SLC17A3: variants seen among roughly 807,000 people sequenced by gnomAD.
The protein encoded by SLC17A3 is solute carrier family 17 member 3, also known as sodium-dependent phosphate transport protein 4.
Under a neutral mutation model 60.3 loss-of-function variants are expected in SLC17A3, and 61 were observed. That is an observed-to-expected ratio of 1.01 (90% CI 0.82 to 1.25). The LOEUF (loss-of-function observed/expected upper bound fraction) is 1.25. SLC17A3 is among the 50% of genes most tolerant of loss of function. The probability of loss-of-function intolerance (pLI) is 0.00; values close to 1 mark genes in which losing one functional copy is unlikely to be tolerated. For synonymous variants in SLC17A3, 192 were observed against 208.9 expected (o/e 0.92, Z 0.70); for missense variants, 624 against 594.9 (o/e 1.05, Z -0.51).
At chr6:25,854,968 A>G (rs1012955537) in intron 6 of SLC17A3, among the ~76,000 whole-genome samples, 176 bp downstream of exon 6, 2 of 152,214 alleles carry the variant, frequency 1.3e-5, no homozygotes, top group African/African-American at 4.8e-5. Context: ...AATAGGCAGG[A>G]GAACTTCCAA....
chr6:25,871,753 T>G lies in SLC17A3; in HGVS notation c.-34+2414A>C, dbSNP rs117014321. On this transcript the variant is annotated intron_variant, in intron 1 of 12. Coordinates refer to ENST00000397060, the MANE Select transcript of SLC17A3 (RefSeq NM_001098486.2). Reference sequence around the variant, plus strand: ...AGATGAGGGCTACGTGGCATCTGACTGTTGTCTCAATCCAAGAAATTCAAT... The same window carrying G: ...AGATGAGGGCTACGTGGCATCTGACGGTTGTCTCAATCCAAGAAATTCAAT... 8.9e-3 allele frequency among the ~76,000 whole-genome samples: 1,349 copies of G among 152,216 alleles called. 28 individuals carry two copies. Among genetic ancestry groups the G allele is most frequent in the East Asian group, 0.072 (371 of 5,166 alleles).
chr6:25,848,781 A>G (rs1561853076), intron 11 of SLC17A3, among the ~76,000 whole-genome samples: 1 of 152,232 alleles, frequency 6.6e-6, no homozygotes, highest in African/African-American at 2.4e-5. Context: ...TTGCACAGCA[A>G]AAGAAACAGC....
chr6:25,848,286 C>T (rs1330287080), intron 11 of SLC17A3, among the ~76,000 whole-genome samples: 2 of 152,150 alleles, frequency 1.3e-5, no homozygotes, highest in Non-Finnish European at 2.9e-5. Context: ...CTGGATCAAA[C>T]AGTAGTTCTA....
In SLC17A3 at chr6:25,868,399, T is replaced by G; in HGVS notation, c.-12A>C. The G allele has an allele frequency of 6.2e-7, 1 of 1,607,482 alleles. No homozygotes were observed. Among genetic ancestry groups the G allele is most frequent in the Non-Finnish European group, 8.5e-7 (1 of 1,174,708 alleles). ...GTCTTGGTGGCCATTGTGTTTCTCC[T>G]CTCCTAGTGAATGGTTTTCACCTAT... is the stretch of plus-strand genomic sequence containing the variant. On this transcript the variant is annotated 5_prime_UTR_variant, in exon 2 of 13. Transcript: ENST00000397060.
rs559727782 is a variant in SLC17A3 at position 25,853,447 on chromosome 6, G to A, written c.712+1697C>T. On this transcript the variant is annotated intron_variant, in intron 6 of 12. Transcript: ENST00000397060. ...TTTTTTTTTTTGGAGACAGAGTCTC[G>A]CTCTGTGGCCCAGGTTGGAGTGCAG... 5.5e-4 allele frequency among the ~76,000 whole-genome samples: 61 copies of A among 110,038 alleles called. 2 individuals carry two copies. In the South Asian group the frequency reaches 0.017, roughly 31 times the overall value. The allele number at this position is 110,038 out of a possible 152,430, so 72.2% of individuals were successfully genotyped here.
intron 2 of SLC17A3, among the ~76,000 whole-genome samples, chr6:25,865,888 A>T (rs1425021081): frequency 6.6e-6 from 1 of 151,996 alleles, no homozygotes; most frequent in Non-Finnish European, 1.5e-5. Context: ...AGGGTATTCT[A>T]TTTAACTACT....
intron 2 of SLC17A3, among the ~76,000 whole-genome samples, chr6:25,862,868 TTGTA>T (rs1287152201): frequency 2.0e-5 from 3 of 151,520 alleles, no homozygotes; most frequent in Admixed American, 6.6e-5. Flanking sequence ...TACATATACT[TTGTA>T]TGTATAACTA....
chr6:25,850,935 C>A, intron 6 of SLC17A3, 58 bp from the exon 7 acceptor site: 1 of 1,211,076 alleles, frequency 8.3e-7, no homozygotes, highest in East Asian at 2.3e-5. Flanking sequence ...GGGTGAACTT[C>A]TTTTATGTTG....
Position 25,868,418 on chromosome 6 carries a change from C to T in SLC17A3, c.-31G>A. 1 of 1,555,406 alleles carries T rather than the reference C, an allele frequency of 6.4e-7. No homozygotes were observed. Among genetic ancestry groups the T allele is most frequent in the African/African-American group, 1.4e-5 (1 of 73,702 alleles). On this transcript the variant is annotated splice_region_variant and 5_prime_UTR_variant, in exon 2 of 13. Coordinates refer to ENST00000397060, the MANE Select transcript of SLC17A3 (RefSeq NM_001098486.2). The stretch of plus-strand genomic sequence containing the variant: ...TTCTCCTCTCCTAGTGAATGGTTTT[C>T]ACCTATCAGGGAGATATGTAATTCA...
At position 25,862,014 on chromosome 6, in the gene SLC17A3, A is replaced by G. The variant is rs1765456979; in HGVS notation, c.319T>C (p.Trp107Arg). Reference protein sequence around the residue: ...SLPAKAPVYDWSPQIQGIIFG... With the variant: ...SLPAKAPVYDRSPQIQGIIFG... Reference sequence around the variant, plus strand: ...ATGATGCCTTGGATTTGAGGAGACCAGTCATACACAGGAGCCTTAGAGAAA... The same window carrying G: ...ATGATGCCTTGGATTTGAGGAGACCGGTCATACACAGGAGCCTTAGAGAAA... Residue 107 changes from tryptophan (W) to arginine (R), a missense_variant, in exon 4 of 13, where the codon TGG (tryptophan) becomes CGG (arginine). Physicochemically the swap from Trp to Arg is moderately radical, Grantham distance 101. Transcript: ENST00000397060. The G allele has an allele frequency of 2.5e-6, 4 of 1,605,840 alleles. No individual in the cohort carries two copies. Among genetic ancestry groups the G allele is most frequent in the Non-Finnish European group, 3.4e-6 (4 of 1,175,928 alleles).
In SLC17A3 at chr6:25,862,407, G is replaced by A. The variant is rs1309222816; in HGVS notation, c.129C>T (p.Leu43=). 1.9e-6 allele frequency: 3 copies of A among 1,613,418 alleles called. No homozygotes were observed. Among genetic ancestry groups the A allele is most frequent in the African/African-American group, 1.3e-5 (1 of 74,846 alleles). The change falls in exon 3 of 13, where the codon CTC becomes CTT. Residue 43 remains leucine, a synonymous_variant. Coordinates refer to ENST00000397060, the MANE Select transcript of SLC17A3 (RefSeq NM_001098486.2). ...SLCSARYGIA[L]VLHFCNFTTI... is the part of the protein sequence containing the mutation. ...TTGTGAAATTGCAGAAATGTAAGAC[G>A]AGGGCTATTCCATAGCGAGCAGAAC...
chr6:25,870,420 C>T (rs1044568736), intron 1 of SLC17A3, among the ~76,000 whole-genome samples: 1 of 151,984 alleles, frequency 6.6e-6, no homozygotes, highest in African/African-American at 2.4e-5. Context: ...TTCTCACTCC[C>T]CTGCTCCTTT....
rs1046717608 is a variant in SLC17A3 at position 25,849,232 on chromosome 6, A to G, written c.1362+142T>C. On this transcript the variant is annotated intron_variant, in intron 11 of 12. Coordinates refer to ENST00000397060, the MANE Select transcript of SLC17A3 (RefSeq NM_001098486.2). The stretch of plus-strand genomic sequence containing the variant: ...TTTAGGTCACCAAAGAAATGATTCT[A>G]TATTTTTCTTTAGCAGGTTCATCTT... 5.7e-5 allele frequency: 38 copies of G among 668,292 alleles called. 1 individual carries two copies. The highest frequency in any genetic ancestry group is 1.4e-4 in the East Asian group (5 of 36,478). 41.4% of individuals were successfully genotyped at this position (668,292 alleles called of 1,614,324 possible).
At chr6:25,859,058 T>A (rs1165169) in intron 5 of SLC17A3, among the ~76,000 whole-genome samples, 7 of 152,214 alleles carry the variant, frequency 4.6e-5, no homozygotes, top group African/African-American at 1.2e-4. Context: ...TAAATTCACC[T>A]TATAAGACAT....
At chr6:25,849,779 A>G (rs1185692068) in intron 10 of SLC17A3, 26 bp downstream of exon 10, 2 of 1,609,992 alleles carry the variant, frequency 1.2e-6, no homozygotes, top group Non-Finnish European at 1.7e-6. Context: ...AAAATGTGAA[A>G]CTGATAGTGG....
At chr6:25,867,968 T>C (rs1221947094) in intron 2 of SLC17A3, among the ~76,000 whole-genome samples, 2 of 151,916 alleles carry the variant, frequency 1.3e-5, no homozygotes, top group Non-Finnish European at 2.9e-5. Flanking sequence ...ATTAGTTTTT[T>C]TTACTTTTTT....
At chr6:25,856,778 C>T (rs1239383005) in intron 5 of SLC17A3, among the ~76,000 whole-genome samples, 1 of 148,488 alleles carries the variant, frequency 6.7e-6, no homozygotes, top group Admixed American at 6.8e-5. Flanking sequence ...ACCCAGGAGG[C>T]GGAGGTTGCA....
intron 8 of SLC17A3, 98 bp from the exon 9 acceptor site, chr6:25,850,275 A>C: frequency 7.0e-7 from 1 of 1,435,554 alleles, no homozygotes; most frequent in South Asian, 1.2e-5. Flanking sequence ...TTCTGAAATC[A>C]TACTTTCTTA....
intron 2 of SLC17A3, among the ~76,000 whole-genome samples, chr6:25,864,882 G>C (rs1231011596): frequency 6.6e-6 from 1 of 152,006 alleles, no homozygotes; most frequent in Non-Finnish European, 1.5e-5. Flanking sequence ...GGGCTCTTCA[G>C]TGTTTGGAGG....
Sources: allele counts gnomAD v4.1 joint callset (sites outside exome capture counted in the v4.1 genomes callset), GRCh38; gene constraint gnomAD v4.1.1; transcripts MANE v1.5; gene names NCBI Gene and HGNC (gene_info 2026-07-23, HGNC 2026-07-21).